The following KCNQ1OT1 variants were observed in gnomAD, a reference collection of about 807,000 sequenced individuals.
The protein encoded by KCNQ1OT1 is KCNQ1 opposite strand/antisense transcript 1.
Position 2,624,889 on chromosome 11 carries a change from T to C in KCNQ1OT1, n.75106A>G, listed in dbSNP as rs1849239261. Reference sequence around the variant, plus strand: ...TCATTTAACATAATGGCCTCGAGGTTCATCCATGTTGTGGCATGTGTCAAA... The same window carrying C: ...TCATTTAACATAATGGCCTCGAGGTCCATCCATGTTGTGGCATGTGTCAAA... On this transcript the variant is annotated non_coding_transcript_exon_variant, in exon 1 of 1. Transcript: ENST00000597346. This position sits in a 1 kb window ranked among gnomAD's most constrained non-coding sequence, Gnocchi z 4.9. 2 of 398,510 alleles carry C rather than the reference T, an allele frequency of 5.0e-6. No homozygotes were observed. The highest frequency in any genetic ancestry group is 8.8e-6 in the Non-Finnish European group (2 of 226,094). The allele number at this position is 398,510 out of a possible 1,614,324, so 24.7% of individuals were successfully genotyped here.
exon 1 of KCNQ1OT1, chr11:2,672,544 C>T: frequency 2.5e-6 from 1 of 398,690 alleles, no homozygotes; most frequent in East Asian, 3.6e-5. Context: ...CTGTCTTCCA[C>T]ATTGGAAGGT....
exon 1 of KCNQ1OT1, chr11:2,693,637 G>C (rs1048067900): frequency 3.8e-5 from 15 of 398,532 alleles, no homozygotes; most frequent in African/African-American, 2.1e-4. Flanking sequence ...CGTAGGAAAG[G>C]CTCTGGGAGA....
At position 2,627,070 on chromosome 11, in the gene KCNQ1OT1, C is replaced by T. The variant is rs767127878; in HGVS notation, n.72925G>A. 6 of 398,314 alleles carry T rather than the reference C, an allele frequency of 1.5e-5. No individual in the cohort carries two copies. Among genetic ancestry groups the T allele is most frequent in the Non-Finnish European group, 1.8e-5 (4 of 226,030 alleles). The allele number at this position is 398,314 out of a possible 1,614,324, so 24.7% of individuals were successfully genotyped here. On this transcript the variant is annotated non_coding_transcript_exon_variant, in exon 1 of 1. Coordinates refer to ENST00000597346, the Ensembl canonical transcript of KCNQ1OT1. The surrounding 1 kb of genome is among the most constrained non-coding windows in gnomAD (Gnocchi z 4.9). The stretch of plus-strand genomic sequence containing the variant: ...ATCCATGAACATAGGAGGTGTTTTC[C>T]CTTTATGTCTACTTTAATTTCTTTC...
At chr11:2,662,588 C>T (rs1405128862) in exon 1 of KCNQ1OT1, 5 of 417,940 alleles carry the variant, frequency 1.2e-5, no homozygotes, top group Admixed American at 3.9e-5. Context: ...GATGCATGCC[C>T]GTCCTCCCCC....
chr11:2,667,196 G>GT lies in KCNQ1OT1; in HGVS notation n.32798_32799insA, dbSNP rs771307280. ...GCCTGCCATCAGCCCAGCTGTGGCG[G>GT]CCCCCCGTGGCCCCCTAACCTTTCC... On this transcript the variant is annotated non_coding_transcript_exon_variant, in exon 1 of 1. Transcript: ENST00000597346. 303 of 398,576 alleles carry GT rather than the reference G, an allele frequency of 7.6e-4. No individual in the cohort carries two copies. The highest frequency in any genetic ancestry group is 1.2e-3 in the Non-Finnish European group (268 of 226,134). 24.7% of individuals were successfully genotyped at this position (398,576 alleles called of 1,614,324 possible). A position where few individuals can be genotyped will look rare whatever the true frequency, so the allele number is the denominator to read the frequency against.
rs1314965870 is a variant in KCNQ1OT1, at chr11:2,698,680, C to T, written n.1315G>A. 2.5e-6 allele frequency: 1 copy of T among 398,870 alleles called. No individual in the cohort carries two copies. Among genetic ancestry groups the T allele is most frequent in the East Asian group, 3.6e-5 (1 of 28,078 alleles). 24.7% of individuals were successfully genotyped at this position (398,870 alleles called of 1,614,324 possible). On this transcript the variant is annotated non_coding_transcript_exon_variant, in exon 1 of 1. Transcript: ENST00000597346. This position sits in a 1 kb window ranked among gnomAD's most constrained non-coding sequence, Gnocchi z 5.1. ...TTAACTCAGAGCCCCCCATTCAGAA[C>T]CTCTACCCAAAGACAGACTCCAGAC...
rs931868601 is a variant in KCNQ1OT1, at chr11:2,690,554, T to TAACA, written n.9437_9440dup. ...ACTGGGCCTAGGGAAGGACAAGAAG[T>TAACA]AACATGTCAAAGATGGGACAGAACC... On this transcript the variant is annotated non_coding_transcript_exon_variant, in exon 1 of 1. Transcript: ENST00000597346. This position sits in a 1 kb window ranked among gnomAD's most constrained non-coding sequence, Gnocchi z 5.1. 3 of 398,488 alleles carry TAACA rather than the reference T, an allele frequency of 7.5e-6. No individual in the cohort carries two copies. The highest frequency in any genetic ancestry group is 1.3e-5 in the Non-Finnish European group (3 of 226,088). 24.7% of individuals were successfully genotyped at this position (398,488 alleles called of 1,614,324 possible).
At chr11:2,632,744 G>T in exon 1 of KCNQ1OT1, 1 of 398,326 alleles carries the variant, frequency 2.5e-6, no homozygotes. Flanking sequence ...TGCTGTGAAT[G>T]ACAGGACTTA....
exon 1 of KCNQ1OT1, chr11:2,692,330 C>T: frequency 2.5e-6 from 1 of 398,968 alleles, no homozygotes. Context: ...TCCTGATAGG[C>T]CACCATTTCT....
chr11:2,651,453 G>T lies in KCNQ1OT1; in HGVS notation n.48542C>A. The T allele has an allele frequency of 2.5e-6, 1 of 398,776 alleles. No individual in the cohort carries two copies. The highest frequency in any genetic ancestry group is 4.4e-6 in the Non-Finnish European group (1 of 226,154). The allele number at this position is 398,776 out of a possible 1,614,324, so 24.7% of individuals were successfully genotyped here. A position where few individuals can be genotyped will look rare whatever the true frequency, so the allele number is the denominator to read the frequency against. On this transcript the variant is annotated non_coding_transcript_exon_variant, in exon 1 of 1. Coordinates refer to ENST00000597346, the Ensembl canonical transcript of KCNQ1OT1. The surrounding 1 kb of genome is among the most constrained non-coding windows in gnomAD (Gnocchi z 6.1). ...GCTCAGCAAGTGCCTGAAGTCAGAGGTAGTGCTTATGAAAGTATCTGGTGG... is the reference window on the plus strand; with the variant it reads ...GCTCAGCAAGTGCCTGAAGTCAGAGTTAGTGCTTATGAAAGTATCTGGTGG...
exon 1 of KCNQ1OT1, chr11:2,632,073 C>A (rs1849363477): frequency 2.5e-6 from 1 of 393,118 alleles, no homozygotes; most frequent in South Asian, 1.4e-4. Context: ...GTCCCAGCTA[C>A]TTGGGAGGCT....
At chr11:2,640,359 T>C in exon 1 of KCNQ1OT1, 1 of 398,568 alleles carries the variant, frequency 2.5e-6, no homozygotes, top group Non-Finnish European at 4.4e-6. Context: ...CCACCCCACT[T>C]ACTGCAATCT....
In KCNQ1OT1 at chr11:2,657,742, C is replaced by T. The variant is rs1370224598; in HGVS notation, n.42253G>A. The T allele has an allele frequency of 7.5e-6, 3 of 398,428 alleles. No homozygotes were observed. The highest frequency in any genetic ancestry group is 2.1e-5 in the African/African-American group (1 of 48,586). The allele number at this position is 398,428 out of a possible 1,614,324, so 24.7% of individuals were successfully genotyped here. ...ATTTATTGTCATCTCTGATCGGTGA[C>T]GGGCTTCTCAGTCTTGTTCTTCATT... On this transcript the variant is annotated non_coding_transcript_exon_variant, in exon 1 of 1. Coordinates refer to ENST00000597346, the Ensembl canonical transcript of KCNQ1OT1. This position sits in a 1 kb window ranked among gnomAD's most constrained non-coding sequence, Gnocchi z 4.8.
At chr11:2,644,418 T>C (rs1849634257) in exon 1 of KCNQ1OT1, 1 of 398,304 alleles carries the variant, frequency 2.5e-6, no homozygotes. Context: ...AATTCCAGAA[T>C]ATCTGTTTGG....
At position 2,687,976 on chromosome 11, in the gene KCNQ1OT1, C is replaced by T. The variant is rs1850520003; in HGVS notation, n.12019G>A. The stretch of plus-strand genomic sequence containing the variant: ...TCAGCCAGGCCGCTGCTTCCTGCTT[C>T]CCTTTGATGTCTCCTCGTGCGAGGG... On this transcript the variant is annotated non_coding_transcript_exon_variant, in exon 1 of 1. Coordinates refer to ENST00000597346, the Ensembl canonical transcript of KCNQ1OT1. This position sits in a 1 kb window ranked among gnomAD's most constrained non-coding sequence, Gnocchi z 5.0. 3 of 398,632 alleles carry T rather than the reference C, an allele frequency of 7.5e-6. No individual in the cohort carries two copies. Among genetic ancestry groups the T allele is most frequent in the South Asian group, 1.3e-4 (1 of 7,866 alleles). 24.7% of individuals were successfully genotyped at this position (398,632 alleles called of 1,614,324 possible).
rs762240867 is a variant in KCNQ1OT1 at position 2,695,578 on chromosome 11, C to A, written n.4417G>T. ...CTGCCCTGAGCATGCACACACACAG[C>A]CTCTCGTTGTTCTGGGTGAGAACTG... On this transcript the variant is annotated non_coding_transcript_exon_variant, in exon 1 of 1. Transcript: ENST00000597346. The surrounding 1 kb of genome is among the most constrained non-coding windows in gnomAD (Gnocchi z 5.2). The A allele has an allele frequency of 2.5e-6, 1 of 398,612 alleles. No individual in the cohort carries two copies. Among genetic ancestry groups the A allele is most frequent in the Non-Finnish European group, 4.4e-6 (1 of 226,080 alleles). The allele number at this position is 398,612 out of a possible 1,614,324, so 24.7% of individuals were successfully genotyped here. A position where few individuals can be genotyped will look rare whatever the true frequency, so the allele number is the denominator to read the frequency against.
At chr11:2,662,715 G>C (rs1284144096) in exon 1 of KCNQ1OT1, 1 of 401,128 alleles carries the variant, frequency 2.5e-6, no homozygotes, top group African/African-American at 2.1e-5. Flanking sequence ...GGGTCAGTGG[G>C]GCACCCAAGT....
At chr11:2,685,420 A>G in exon 1 of KCNQ1OT1, 2 of 398,706 alleles carry the variant, frequency 5.0e-6, no homozygotes, top group East Asian at 7.1e-5. Context: ...TCCTTCACAT[A>G]GAATTGTCAC....
At chr11:2,610,597 C>G (rs961472819) in exon 1 of KCNQ1OT1, 1 of 397,480 alleles carries the variant, frequency 2.5e-6, no homozygotes, top group Non-Finnish European at 4.4e-6. Flanking sequence ...AGAACTTCCT[C>G]TAGTAGTTCT....
Sources: allele counts gnomAD v4.1 joint callset, GRCh38; gene constraint gnomAD v4.1.1; non-coding constraint Gnocchi (gnomAD v3.1); transcripts MANE v1.5; gene names NCBI Gene and HGNC (gene_info 2026-07-23, HGNC 2026-07-21).